ASPRV1: variants seen among roughly 807,000 people sequenced by gnomAD.
The protein encoded by ASPRV1 is aspartic peptidase retroviral like 1.
Under a neutral mutation model 11.0 loss-of-function variants are expected in ASPRV1, and 7 were observed. The ratio of observed to expected loss-of-function variants is 0.64; its 90% confidence interval spans 0.36 to 1.20. The LOEUF (loss-of-function observed/expected upper bound fraction) is 1.20, where lower values mean the gene tolerates loss of function less well. ASPRV1 is among the 50% of genes most tolerant of loss of function. The pLI, the probability that ASPRV1 is intolerant of heterozygous loss-of-function variation, is 0.02. For synonymous variants in ASPRV1, 136 were observed against 138.4 expected, an observed-to-expected ratio of 0.98 and a Z score of 0.12; for missense variants, 299 against 320.0, an observed-to-expected ratio of 0.93 and a Z score of 0.50.
chr2:70,014,007 T>C, the ASPRV1 span, among the ~76,000 whole-genome samples: 5 of 152,242 alleles, frequency 3.3e-5, no homozygotes, highest in African/African-American at 1.2e-4. Flanking sequence ...GTTTATCATA[T>C]TTCAGACATG....
At chr2:70,053,505 G>A in the ASPRV1 span, among the ~76,000 whole-genome samples, 2 of 151,958 alleles carry the variant, frequency 1.3e-5, no homozygotes, top group Non-Finnish European at 2.9e-5. Context: ...ATACACTATT[G>A]ACAAAAAAAG....
the ASPRV1 span, among the ~76,000 whole-genome samples, chr2:69,934,407 C>T: frequency 1.3e-5 from 2 of 152,212 alleles, no homozygotes; most frequent in African/African-American, 4.8e-5. Context: ...TGGAGCAACT[C>T]TCGTGCTCTC....
chr2:70,018,331 T>C, the ASPRV1 span, among the ~76,000 whole-genome samples: 1 of 151,898 alleles, frequency 6.6e-6, no homozygotes, highest in African/African-American at 2.4e-5. Flanking sequence ...AGAATTAATA[T>C]TAAAATGCTC....
chr2:70,062,841 C>A, the ASPRV1 span, among the ~76,000 whole-genome samples: 1 of 152,016 alleles, frequency 6.6e-6, no homozygotes, highest in African/African-American at 2.4e-5. Flanking sequence ...TTTGAAGGTC[C>A]CAAAGCAGAA....
At chr2:69,949,260 A>G in the ASPRV1 span, among the ~76,000 whole-genome samples, 1 of 148,728 alleles carries the variant, frequency 6.7e-6, no homozygotes, top group Middle Eastern at 3.4e-3. Context: ...TGGGCGAATG[A>G]ATGAATGAAT....
chr2:69,972,523 AT>A, the ASPRV1 span, among the ~76,000 whole-genome samples: 1 of 151,556 alleles, frequency 6.6e-6, no homozygotes, highest in Non-Finnish European at 1.5e-5. Context: ...ATGCCCGGCT[AT>A]TTTTTGTAAT....
chr2:69,970,385 G>A, the ASPRV1 span, among the ~76,000 whole-genome samples: 4 of 152,124 alleles, frequency 2.6e-5, no homozygotes, highest in South Asian at 8.3e-4. Context: ...ATAAAATCTT[G>A]ACACCCAACA....
At chr2:70,060,527 T>C in the ASPRV1 span, among the ~76,000 whole-genome samples, 1 of 151,902 alleles carries the variant, frequency 6.6e-6, no homozygotes. Flanking sequence ...GAGTTGGGCA[T>C]AGTCGCCGGG....
At chr2:70,084,544 C>T in the ASPRV1 span, among the ~76,000 whole-genome samples, 2 of 152,202 alleles carry the variant, frequency 1.3e-5, no homozygotes, top group Non-Finnish European at 2.9e-5. Flanking sequence ...TATCACCACC[C>T]ATTTCAGGAG....
At chr2:69,979,840 G>A in the ASPRV1 span, among the ~76,000 whole-genome samples, 1 of 152,178 alleles carries the variant, frequency 6.6e-6, no homozygotes, top group African/African-American at 2.4e-5. Flanking sequence ...CTCCATACGA[G>A]GCACTGCTCA....
the ASPRV1 span, among the ~76,000 whole-genome samples, chr2:70,061,627 A>G: frequency 6.6e-6 from 1 of 152,048 alleles, no homozygotes; most frequent in Non-Finnish European, 1.5e-5. Flanking sequence ...ATCCAAGTAA[A>G]GAACTCAAAT....
the ASPRV1 span, among the ~76,000 whole-genome samples, chr2:69,971,745 C>T: frequency 3.9e-4 from 59 of 152,300 alleles, no homozygotes; most frequent in African/African-American, 1.4e-3. Context: ...CCAAGCCAGC[C>T]CTGCCAATCT....
At chr2:70,027,077 C>T in the ASPRV1 span, among the ~76,000 whole-genome samples, 1 of 151,852 alleles carries the variant, frequency 6.6e-6, no homozygotes, top group Non-Finnish European at 1.5e-5. Context: ...TAGTGAGATC[C>T]CGCCTCTACA....
At chr2:70,035,064 CAG>C in the ASPRV1 span, 1 of 152,308 alleles carries the variant, frequency 6.6e-6, no homozygotes, top group Non-Finnish European at 1.5e-5. Flanking sequence ...AAGCAAAAAC[CAG>C]AGATGTGCCA....
the ASPRV1 span, among the ~76,000 whole-genome samples, chr2:70,066,675 G>A: frequency 1.3e-5 from 2 of 152,064 alleles, no homozygotes; most frequent in South Asian, 4.1e-4. Flanking sequence ...ACAGTTCGTT[G>A]CAGCTTCAAC....
chr2:70,043,894 T>C, the ASPRV1 span, among the ~76,000 whole-genome samples: 1 of 152,156 alleles, frequency 6.6e-6, no homozygotes, highest in Admixed American at 6.5e-5. Context: ...GCACAACCTC[T>C]TTTGGGGTCA....
the ASPRV1 span, among the ~76,000 whole-genome samples, chr2:70,041,796 G>A: frequency 6.6e-6 from 1 of 152,162 alleles, no homozygotes; most frequent in East Asian, 1.9e-4. Flanking sequence ...TGGCACCATT[G>A]CATTTACCAC....
At chr2:69,970,434 T>A in the ASPRV1 span, among the ~76,000 whole-genome samples, 1 of 152,138 alleles carries the variant, frequency 6.6e-6, no homozygotes, top group Non-Finnish European at 1.5e-5. Flanking sequence ...ATGCTCTACC[T>A]ATACAAAATG....
At chr2:70,052,694 G>A in the ASPRV1 span, among the ~76,000 whole-genome samples, 1 of 152,170 alleles carries the variant, frequency 6.6e-6, no homozygotes, top group Admixed American at 6.5e-5. Flanking sequence ...TGTGAAAAAG[G>A]GACATAAGAA....
Sources: allele counts gnomAD v4.1 joint callset (sites outside exome capture counted in the v4.1 genomes callset), GRCh38; gene constraint gnomAD v4.1.1; transcripts MANE v1.5; gene names NCBI Gene and HGNC (gene_info 2026-07-23, HGNC 2026-07-21).